Variants in PALM2AKAP2 observed in about 807,000 individuals in gnomAD.
The protein encoded by PALM2AKAP2 is PALM2 and AKAP2 fusion, also known as PALM2-AKAP2 fusion protein.
PALM2AKAP2 carries 37 observed loss-of-function variants against 71.5 expected under a neutral mutation model. The observed-to-expected ratio is 0.52, with a 90% confidence interval of 0.40 to 0.68. PALM2AKAP2 has a LOEUF of 0.68. Among genes scored for constraint, PALM2AKAP2 ranks in the 30% least tolerant of loss-of-function variants. The probability of loss-of-function intolerance (pLI) is 0.00; values close to 1 mark genes in which losing one functional copy is unlikely to be tolerated. For missense variants in PALM2AKAP2, 1,224 were observed against 1,191.8 expected, an observed-to-expected ratio of 1.03 and a Z score of -0.40; for synonymous variants, 468 against 478.8, an observed-to-expected ratio of 0.98 and a Z score of 0.29.
chr9:110,130,988 G>A (rs1218322796), intron 1 of PALM2AKAP2, among the ~76,000 whole-genome samples: 1 of 152,190 alleles, frequency 6.6e-6, no homozygotes, highest in Non-Finnish European at 1.5e-5. Flanking sequence ...GGGTTCTTGG[G>A]AGTTAAAGGG....
intron 1 of PALM2AKAP2, among the ~76,000 whole-genome samples, chr9:109,795,187 C>T (rs114179972): frequency 2.2e-3 from 342 of 152,322 alleles, no homozygotes; most frequent in African/African-American, 8.1e-3. Flanking sequence ...GCACACCCCA[C>T]TCTTCATTGT....
At chr9:109,835,408 G>A (rs1828442149) in intron 1 of PALM2AKAP2, among the ~76,000 whole-genome samples, 1 of 151,798 alleles carries the variant, frequency 6.6e-6, no homozygotes, top group Admixed American at 6.6e-5. Context: ...GCGGTTCCAA[G>A]ATGGCCGAAT....
chr9:110,110,311 C>G (rs1160108537), intron 1 of PALM2AKAP2, among the ~76,000 whole-genome samples: 2 of 152,072 alleles, frequency 1.3e-5, no homozygotes, highest in Non-Finnish European at 2.9e-5. Context: ...AAATGGTGCC[C>G]TAGTCAGGGC....
intron 6 of PALM2AKAP2, among the ~76,000 whole-genome samples, chr9:110,011,627 A>T (rs1023375012): frequency 2.0e-5 from 3 of 152,214 alleles, no homozygotes; most frequent in Non-Finnish European, 4.4e-5. Context: ...ACATCTTCCT[A>T]TAAAGAAGTG....
At chr9:110,140,894 A>G (rs1013447968) in intron 2 of PALM2AKAP2, among the ~76,000 whole-genome samples, 1 of 152,220 alleles carries the variant, frequency 6.6e-6, no homozygotes, top group Non-Finnish European at 1.5e-5. Context: ...AAAGGGAGGA[A>G]GAAGAGGAAG....
chr9:109,644,211 T>G (rs193246164), intron 1 of PALM2AKAP2, among the ~76,000 whole-genome samples: 177 of 152,248 alleles, frequency 1.2e-3, no homozygotes, highest in African/African-American at 4.0e-3. Context: ...TTTTCTTTCT[T>G]TTTTCCCTTT....
intron 3 of PALM2AKAP2, among the ~76,000 whole-genome samples, chr9:109,887,521 A>C (rs995549843): frequency 2.0e-5 from 3 of 152,154 alleles, no homozygotes; most frequent in Admixed American, 2.0e-4. Flanking sequence ...ATATTGTGTA[A>C]TATTTCCTGT....
At chr9:109,760,266 T>A (rs1413728477) in intron 1 of PALM2AKAP2, 2 of 152,098 alleles carry the variant, frequency 1.3e-5, no homozygotes, top group African/African-American at 4.8e-5. Flanking sequence ...CTCACCAAAA[T>A]CATGCCAGTA....
At chr9:110,090,486 A>C in intron 1 of PALM2AKAP2, 2 of 455,964 alleles carry the variant, frequency 4.4e-6, no homozygotes, top group South Asian at 3.1e-5. Context: ...TCATGCCTCA[A>C]GCTCATTAAG....
intron 6 of PALM2AKAP2, among the ~76,000 whole-genome samples, chr9:109,958,498 G>C (rs1202486493): frequency 6.6e-6 from 1 of 152,092 alleles, no homozygotes; most frequent in African/African-American, 2.4e-5. Flanking sequence ...TATAAAATGA[G>C]ACAACGTGAT....
At chr9:110,081,486 T>C (rs1834447822) in intron 1 of PALM2AKAP2, among the ~76,000 whole-genome samples, 1 of 152,218 alleles carries the variant, frequency 6.6e-6, no homozygotes, top group African/African-American at 2.4e-5. Flanking sequence ...GATTATGTTC[T>C]TAAAATAGAA....
rs187233130 is a variant in PALM2AKAP2 at position 109,923,598 on chromosome 9, C to T, written c.258-137C>T. On this transcript the variant is annotated intron_variant, in intron 3 of 9. Coordinates refer to the PALM2AKAP2 transcript ENST00000302798. ...CACAAGATGCTGTGTAATGTAAAAC[C>T]TTGGCCTGGCTCCTCAGCGTAATGT... 319 of 866,516 alleles carry T rather than the reference C, an allele frequency of 3.7e-4. 2 individuals carry two copies. In the African/African-American group the frequency reaches 5.1e-3, roughly 14 times the overall value. 53.7% of individuals were successfully genotyped at this position (866,516 alleles called of 1,614,324 possible). A position where few individuals can be genotyped will look rare whatever the true frequency, so the allele number is the denominator to read the frequency against.
At chr9:109,901,761 G>T (rs1830335686) in intron 3 of PALM2AKAP2, among the ~76,000 whole-genome samples, 1 of 152,166 alleles carries the variant, frequency 6.6e-6, no homozygotes, top group Admixed American at 6.5e-5. Flanking sequence ...GGAACCAGCT[G>T]GGCAGGCCAC....
At chr9:109,994,434 A>G (rs1024454103) in intron 6 of PALM2AKAP2, among the ~76,000 whole-genome samples, 4 of 152,226 alleles carry the variant, frequency 2.6e-5, no homozygotes, top group African/African-American at 9.6e-5. Flanking sequence ...GTTTCCAATC[A>G]TACAAGCACT....
chr9:110,062,364 T>G (rs1833983339), intron 1 of PALM2AKAP2, among the ~76,000 whole-genome samples: 1 of 152,212 alleles, frequency 6.6e-6, no homozygotes, highest in African/African-American at 2.4e-5. Flanking sequence ...TGTTGCTGCA[T>G]TAGTTTGCTG....
intron 1 of PALM2AKAP2, among the ~76,000 whole-genome samples, chr9:110,113,209 T>C (rs976283517): frequency 6.6e-6 from 1 of 151,646 alleles, no homozygotes; most frequent in Admixed American, 6.6e-5. Context: ...TTTGTTGTTG[T>C]TGTTTGTCTT....
rs146081889 is a variant in PALM2AKAP2, at chr9:110,061,832, C to T, written c.156+12977C>T. Among the ~76,000 whole-genome samples, 26 of 149,408 alleles carry T rather than the reference C, an allele frequency of 1.7e-4. No individual in the cohort carries two copies. The East Asian group carries it at 3.7e-3, about 21-fold the overall frequency. On this transcript the variant is annotated intron_variant, in intron 1 of 3. Transcript: ENST00000374525. ...GGGATTATAGGCATAAGCCAACATG[C>T]CAGACAAATATTATTATAATTTTTT...
At chr9:109,884,752 C>T (rs376896060) in intron 3 of PALM2AKAP2, among the ~76,000 whole-genome samples, 2 of 152,158 alleles carry the variant, frequency 1.3e-5, no homozygotes, top group East Asian at 3.8e-4. Flanking sequence ...TAAAGAGATA[C>T]ATAAACTGGT....
At chr9:109,829,504 C>T (rs546192231) in intron 1 of PALM2AKAP2, among the ~76,000 whole-genome samples, 1 of 152,244 alleles carries the variant, frequency 6.6e-6, no homozygotes, top group South Asian at 2.1e-4. Flanking sequence ...TTAGGACTAT[C>T]CTGCTCATTA....
Sources: allele counts gnomAD v4.1 joint callset (sites outside exome capture counted in the v4.1 genomes callset), GRCh38; gene constraint gnomAD v4.1.1; transcripts MANE v1.5; gene names NCBI Gene and HGNC (gene_info 2026-07-23, HGNC 2026-07-21).